CALN1: variants seen among roughly 807,000 people sequenced by gnomAD.
CALN1 encodes the protein calneuron 1, also known as calcium-binding protein 8.
CALN1 carries 17 observed loss-of-function variants against 30.6 expected under a neutral mutation model. That is an observed-to-expected ratio of 0.56 (90% CI 0.38 to 0.83). CALN1 has a LOEUF of 0.83. Among genes scored for constraint, CALN1 ranks in the 40% least tolerant of loss-of-function variants. CALN1 has a pLI of 0.00. For missense variants in CALN1, 291 were observed against 354.9 expected, an observed-to-expected ratio of 0.82 and a Z score of 1.45; for synonymous variants, 156 against 131.4, an observed-to-expected ratio of 1.19 and a Z score of -1.28.
At chr7:72,233,821 C>T (rs899182360) in intron 3 of CALN1, among the ~76,000 whole-genome samples, 1 of 151,806 alleles carries the variant, frequency 6.6e-6, no homozygotes, top group African/African-American at 2.4e-5. Flanking sequence ...CTGGGCAACA[C>T]AGCAAAACCA....
At chr7:72,217,222 T>G (rs1235324417) in intron 3 of CALN1, among the ~76,000 whole-genome samples, 1 of 152,024 alleles carries the variant, frequency 6.6e-6, no homozygotes, top group Non-Finnish European at 1.5e-5. Flanking sequence ...CGTGGCTAAA[T>G]GGACAAGAGG....
At chr7:72,192,803 C>G (rs1426080555) in intron 3 of CALN1, among the ~76,000 whole-genome samples, 1 of 114,094 alleles carries the variant, frequency 8.8e-6, no homozygotes, top group Admixed American at 1.0e-4. Flanking sequence ...TCCCTCCCCC[C>G]TCCCCCCACC....
At chr7:71,943,330 T>C (rs1796233304) in intron 5 of CALN1, among the ~76,000 whole-genome samples, 1 of 152,254 alleles carries the variant, frequency 6.6e-6, no homozygotes, top group Non-Finnish European at 1.5e-5. Flanking sequence ...TCAGGTTTTA[T>C]GTAGCCTGGA....
chr7:72,404,671 ACT>A (rs1387967299), intron 1 of CALN1, among the ~76,000 whole-genome samples: 2 of 151,878 alleles, frequency 1.3e-5, no homozygotes, highest in Admixed American at 1.3e-4. Flanking sequence ...CCCTCTTTCT[ACT>A]CTCTCGATTC....
intron 5 of CALN1, among the ~76,000 whole-genome samples, chr7:71,955,218 G>A (rs1049971564): frequency 1.3e-5 from 2 of 152,094 alleles, no homozygotes; most frequent in Non-Finnish European, 1.5e-5. Context: ...ATCAGATCTC[G>A]TGAGACGTAT....
chr7:72,262,771 C>T (rs1796351901), intron 3 of CALN1, among the ~76,000 whole-genome samples: 1 of 152,144 alleles, frequency 6.6e-6, no homozygotes, highest in Non-Finnish European at 1.5e-5. Flanking sequence ...CAGGACAATT[C>T]AAGGTTTGGA....
At chr7:72,368,352 G>C (rs913641173) in intron 2 of CALN1, among the ~76,000 whole-genome samples, 4 of 151,472 alleles carry the variant, frequency 2.6e-5, no homozygotes, top group Non-Finnish European at 5.9e-5. Context: ...TATACACAAA[G>C]GGCATACATG....
At chr7:71,942,696 T>A (rs1157982023) in intron 5 of CALN1, among the ~76,000 whole-genome samples, 1 of 152,164 alleles carries the variant, frequency 6.6e-6, no homozygotes, top group Non-Finnish European at 1.5e-5. Context: ...TAGCAGGTGA[T>A]TAGATCTTAA....
At chr7:72,003,681 G>C (rs1295571530) in intron 5 of CALN1, among the ~76,000 whole-genome samples, 1 of 152,168 alleles carries the variant, frequency 6.6e-6, no homozygotes, top group East Asian at 1.9e-4. Context: ...ATCACCCTTA[G>C]ATGGGACTGT....
chr7:72,407,110 T>C (rs1190821743), intron 1 of CALN1, among the ~76,000 whole-genome samples: 1 of 152,154 alleles, frequency 6.6e-6, no homozygotes, highest in East Asian at 1.9e-4. Context: ...ACCCACAATA[T>C]GCAGAGAATG....
chr7:72,166,962 A>T (rs769919119), intron 3 of CALN1, among the ~76,000 whole-genome samples: 10 of 152,128 alleles, frequency 6.6e-5, no homozygotes, highest in Non-Finnish European at 1.3e-4. Context: ...TAAACTGGGA[A>T]GGTGAAGGTT....
In CALN1 at chr7:72,387,893, G is replaced by A. The variant is rs118045841; in HGVS notation, c.119+15358C>T. Among the ~76,000 whole-genome samples, 79 of 152,250 alleles carry A rather than the reference G, an allele frequency of 5.2e-4. No individual in the cohort carries two copies. The East Asian group carries it at 0.015, about 28-fold the overall frequency. ...TTACCAGAGGTTGGGGAGAATTGGG[G>A]GATAGGGGTAGGGAGAGGCTGGTTG... On this transcript the variant is annotated intron_variant, in intron 2 of 6. Coordinates refer to ENST00000395275, the MANE Select transcript of CALN1 (RefSeq NM_031468.4).
chr7:71,801,631 C>G (rs1415220023), intron 6 of CALN1, among the ~76,000 whole-genome samples: 2 of 152,002 alleles, frequency 1.3e-5, no homozygotes, highest in Non-Finnish European at 2.9e-5. Flanking sequence ...GGGGTCAATG[C>G]AATGTGTTCA....
the CALN1 span, among the ~76,000 whole-genome samples, chr7:72,476,237 A>G: frequency 1.3e-5 from 2 of 151,942 alleles, no homozygotes; most frequent in Admixed American, 6.6e-5. Context: ...ATGAGCCACC[A>G]TGCCTGACAG....
the CALN1 span, among the ~76,000 whole-genome samples, chr7:72,472,651 G>A: frequency 3.9e-5 from 6 of 152,208 alleles, no homozygotes; most frequent in Admixed American, 6.5e-5. Flanking sequence ...GCGTGGTGGC[G>A]GGCGCCTGTA....
rs1792751595 is a variant in CALN1, at chr7:71,782,149, C to T, written c.*5626G>A. ...TCATAGAGGCTGGATATTTGTTCCC[C>T]CCAAATTTCATGTTGATCTCCAGTG... On this transcript the variant is annotated 3_prime_UTR_variant, in exon 7 of 7. Transcript: ENST00000395275. 1 of 152,132 alleles carries T rather than the reference C, an allele frequency of 6.6e-6. No homozygotes were observed. 9.4% of individuals were successfully genotyped at this position (152,132 alleles called of 1,614,324 possible).
At chr7:71,803,953 T>C (rs200126424) in intron 6 of CALN1, among the ~76,000 whole-genome samples, 43 of 81,026 alleles carry the variant, frequency 5.3e-4, no homozygotes, top group South Asian at 4.4e-3. Flanking sequence ...TGTGTGCGTG[T>C]GTGTGTGTGT....
At chr7:72,343,703 A>C (rs7794966) in intron 2 of CALN1, among the ~76,000 whole-genome samples, 2,088 of 152,298 alleles carry the variant, frequency 0.014, 60 homozygotes, top group African/African-American at 0.047. Flanking sequence ...ATTGAAGAAG[A>C]AGCTATTCCA....
At chr7:72,460,259 G>T in the CALN1 span, among the ~76,000 whole-genome samples, 1 of 152,152 alleles carries the variant, frequency 6.6e-6, no homozygotes, top group African/African-American at 2.4e-5. Context: ...GATTCAGAGG[G>T]GACAAACATC....
Sources: gnomAD v4.1 joint callset for allele counts (sites outside exome capture counted in the v4.1 genomes callset) on GRCh38, gnomAD v4.1.1 for gene constraint, MANE v1.5 for transcripts, NCBI Gene and HGNC (gene_info 2026-07-23, HGNC 2026-07-21) for gene names.